ANK2: variants seen among roughly 807,000 people sequenced by gnomAD.
The protein encoded by ANK2 is ankyrin-2.
A neutral mutation model predicts 360.5 loss-of-function variants in ANK2; 83 were observed. That is an observed-to-expected ratio of 0.23 (90% confidence interval 0.19 to 0.28). The LOEUF (loss-of-function observed/expected upper bound fraction) is 0.28. ANK2 is among the 10% of genes least tolerant of loss of function. The pLI is 1.00. For synonymous variants in ANK2, 1,740 were observed against 1,759.5 expected (o/e 0.99, Z 0.28); for missense variants, 4,201 against 4,795.7 (o/e 0.88, Z 3.66).
chr4:113,367,728 AGGG>A lies in ANK2; in HGVS notation c.11198_11200del (p.Gly3733del), dbSNP rs730880049. The A allele has an allele frequency of 6.2e-6, 10 of 1,613,714 alleles. No homozygotes were observed. Among genetic ancestry groups the A allele is most frequent in the Non-Finnish European group, 8.5e-6 (10 of 1,179,898 alleles). ...TTTCAGGATGGCGTCCCCAAAACTG[AGGG>A]GGACAGCTCAGCAACAGCACTCTTT... On this transcript the variant is annotated inframe_deletion, in exon 42 of 46. Coordinates refer to ENST00000357077, the MANE Select transcript of ANK2 (RefSeq NM_001148.6).
intron 2 of ANK2, among the ~76,000 whole-genome samples, chr4:112,946,467 C>T (rs546601922): frequency 7.9e-5 from 12 of 152,202 alleles, no homozygotes; most frequent in South Asian, 6.2e-4. Context: ...AGACAGCTAA[C>T]GGATCTTTAA....
At position 113,363,528 on chromosome 4, in the gene ANK2, G is replaced by T. The variant is rs769389943; in HGVS notation, c.10888+59G>T. The T allele has an allele frequency of 3.1e-6, 5 of 1,597,774 alleles. No individual in the cohort carries two copies. In the East Asian group the frequency reaches 6.7e-5, roughly 21 times the overall value. ...GTTGGACATGTCTTGCTCAACAACC[G>T]CATCTTGCAAATTCAGTAGAATAGT... is the stretch of plus-strand genomic sequence containing the variant. On this transcript the variant is annotated intron_variant, in intron 40 of 45. Coordinates refer to ENST00000357077, the MANE Select transcript of ANK2 (RefSeq NM_001148.6).
At chr4:112,779,619 A>C in the ANK2 span, among the ~76,000 whole-genome samples, 1 of 152,328 alleles carries the variant, frequency 6.6e-6, no homozygotes, top group South Asian at 2.1e-4. Flanking sequence ...TCAATTATAC[A>C]AATGTATGAG....
At chr4:112,865,537 C>T (rs1250919927) in intron 1 of ANK2, among the ~76,000 whole-genome samples, 4 of 151,958 alleles carry the variant, frequency 2.6e-5, no homozygotes, top group Non-Finnish European at 4.4e-5. Context: ...CCAGTTTTAT[C>T]CAGAAAAATA....
At chr4:113,062,931 G>T (rs2074142841) in intron 1 of ANK2, among the ~76,000 whole-genome samples, 1 of 152,052 alleles carries the variant, frequency 6.6e-6, no homozygotes. Flanking sequence ...CTATCATGAT[G>T]ACAAGGAATT....
chr4:112,788,142 C>T, the ANK2 span: 1 of 1,583,754 alleles, frequency 6.3e-7, no homozygotes. Flanking sequence ...GCAATGCGAG[C>T]CACAGACTTA....
chr4:112,974,757 G>A (rs958316122), intron 2 of ANK2, among the ~76,000 whole-genome samples: 1 of 151,792 alleles, frequency 6.6e-6, no homozygotes, highest in African/African-American at 2.4e-5. Flanking sequence ...TTTCTGTAGA[G>A]AACTTGCATT....
chr4:113,366,318 C>T (rs919576371), intron 41 of ANK2, among the ~76,000 whole-genome samples: 2 of 149,144 alleles, frequency 1.3e-5, no homozygotes, highest in Non-Finnish European at 3.0e-5. Flanking sequence ...CTCTGGGTAA[C>T]ATTTGGCATG....
intron 33 of ANK2, among the ~76,000 whole-genome samples, chr4:113,342,503 C>A: frequency 6.6e-6 from 1 of 152,076 alleles, no homozygotes; most frequent in Non-Finnish European, 1.5e-5. Flanking sequence ...CAGTTCGAGA[C>A]CAACCTGGCC....
At chr4:112,749,566 G>A in the ANK2 span, among the ~76,000 whole-genome samples, 255 of 152,260 alleles carry the variant, frequency 1.7e-3, 2 homozygotes, top group African/African-American at 5.6e-3. Flanking sequence ...GGGCTTATGA[G>A]AGAGATGGTC....
At chr4:112,817,240 C>G (rs548459434), upstream of ANK2, among the ~76,000 whole-genome samples, 68 of 152,198 alleles carry the variant, frequency 4.5e-4, 1 homozygote, top group African/African-American at 1.4e-3. Context: ...GTATTAGACA[C>G]AGAACATTTT....
chr4:112,831,659 A>C (rs1467909621), intron 1 of ANK2, among the ~76,000 whole-genome samples: 1 of 152,028 alleles, frequency 6.6e-6, no homozygotes, highest in Admixed American at 6.6e-5. Context: ...TGGAGCCAGC[A>C]CTCCTCGGGT....
At chr4:112,972,965 G>C (rs1242768964) in intron 2 of ANK2, among the ~76,000 whole-genome samples, 1 of 152,120 alleles carries the variant, frequency 6.6e-6, no homozygotes. Flanking sequence ...TGGGAGCTAA[G>C]CTATGAGGAT....
At chr4:112,819,882 G>A (rs962251926) in intron 1 of ANK2, among the ~76,000 whole-genome samples, 2 of 152,172 alleles carry the variant, frequency 1.3e-5, no homozygotes, top group African/African-American at 2.4e-5. Flanking sequence ...GAATTCAGAG[G>A]TAGTCTTCCT....
chr4:113,005,792 A>T (rs2052629250), intron 2 of ANK2, among the ~76,000 whole-genome samples: 1 of 152,130 alleles, frequency 6.6e-6, no homozygotes, highest in Non-Finnish European at 1.5e-5. Flanking sequence ...TGGATCTCTC[A>T]TGAATGTCTT....
intron 9 of ANK2, among the ~76,000 whole-genome samples, chr4:113,244,274 A>G (rs2041659222): frequency 6.6e-6 from 1 of 152,184 alleles, no homozygotes; most frequent in Non-Finnish European, 1.5e-5. Context: ...GGTGCTGTGA[A>G]CCCTGAAGAT....
Position 113,355,202 on chromosome 4 carries a change from G to A in ANK2, c.6584G>A (p.Ser2195Asn), listed in dbSNP as rs730880047. 7.4e-6 allele frequency: 12 copies of A among 1,613,984 alleles called. No homozygotes were observed. Among genetic ancestry groups the A allele is most frequent in the African/African-American group, 1.3e-5 (1 of 74,914 alleles). The change falls in exon 38 of 46, where the codon AGC becomes AAC. Residue 2195 changes from serine (S) to asparagine (N), a missense_variant. This residue lies in a region of ANK2 where 2,642 missense variants were observed against 2,714.5 expected (regional missense o/e 0.97). Transcript: ENST00000357077. ...DEFLPALSLQ[S>N]GALDGSSESL... ...TTCCTTCCAGCTCTGTCTTTACAAA[G>A]CGGTGCTTTAGATGGCAGTTCTGAA... is the stretch of plus-strand genomic sequence containing the variant.
chr4:112,830,174 G>C (rs1025086840), intron 1 of ANK2, among the ~76,000 whole-genome samples: 3 of 151,944 alleles, frequency 2.0e-5, no homozygotes, highest in African/African-American at 7.3e-5. Flanking sequence ...AACATAAATT[G>C]TTCTACCATA....
At chr4:113,216,994 G>T (rs1030208990) in intron 4 of ANK2, 3 of 151,990 alleles carry the variant, frequency 2.0e-5, no homozygotes, top group African/African-American at 7.3e-5. Context: ...TTCACGATTT[G>T]CATGAATCAA....
Sources: gnomAD v4.1 joint callset for allele counts (sites outside exome capture counted in the v4.1 genomes callset) on GRCh38, gnomAD v4.1.1 for gene constraint, gnomAD v4.1.1 regional missense constraint, MANE v1.5 for transcripts, NCBI Gene and HGNC (gene_info 2026-07-23, HGNC 2026-07-21) for gene names.